FBXL13: variants seen among roughly 807,000 people sequenced by gnomAD.
The protein encoded by FBXL13 is F-box and leucine rich repeat protein 13.
In FBXL13, 67 loss-of-function variants were observed where a neutral mutation model predicts 83.6. That is an observed-to-expected ratio of 0.80 (90% CI 0.66 to 0.98). The LOEUF (loss-of-function observed/expected upper bound fraction) is 0.98. FBXL13 is among the 50% of genes least tolerant of loss of function. The pLI is 0.00. For synonymous variants in FBXL13, 272 were observed against 299.5 expected, an observed-to-expected ratio of 0.91 and a Z score of 0.95; for missense variants, 822 against 866.5, an observed-to-expected ratio of 0.95 and a Z score of 0.64.
chr7:102,876,143 C>T lies in FBXL13; in HGVS notation c.1635+1324G>A, dbSNP rs918641517. Among the ~76,000 whole-genome samples, 4 of 152,292 alleles carry T rather than the reference C, an allele frequency of 2.6e-5. No homozygotes were observed. The East Asian group carries it at 7.7e-4, about 29-fold the overall frequency. On this transcript the variant is annotated intron_variant, in intron 16 of 19. Coordinates refer to ENST00000313221, the Ensembl canonical transcript of FBXL13. ...TAGGACTGTGGACCTAAGACAGCCT[C>T]ACAGGATCTCCATGACCCAGGAAGA...
chr7:102,954,193 A>AGACT (rs1246297649), intron 8 of FBXL13, among the ~76,000 whole-genome samples: 1 of 152,246 alleles, frequency 6.6e-6, no homozygotes, highest in African/African-American at 2.4e-5. Context: ...AAGCCATGAC[A>AGACT]GACTACCTGG....
chr7:102,996,358 G>C (rs1412490892), intron 6 of FBXL13, among the ~76,000 whole-genome samples: 2 of 152,178 alleles, frequency 1.3e-5, no homozygotes, highest in East Asian at 3.9e-4. Flanking sequence ...AAGAGCATTA[G>C]ACCAGAGTTC....
At chr7:103,037,503 T>G (rs1411264988) in intron 2 of FBXL13, among the ~76,000 whole-genome samples, 1 of 152,190 alleles carries the variant, frequency 6.6e-6, no homozygotes, top group Non-Finnish European at 1.5e-5. Context: ...TAAAATATTT[T>G]GTATTTTATT....
At chr7:102,874,346 A>G (rs919081157) in intron 16 of FBXL13, 25 of 985,266 alleles carry the variant, frequency 2.5e-5, no homozygotes, top group African/African-American at 3.5e-5. Flanking sequence ...CTGTTGTAGC[A>G]CTGTAATTGT....
At chr7:102,983,421 CCTTTT>C (rs1828516658) in intron 6 of FBXL13, among the ~76,000 whole-genome samples, 1 of 145,442 alleles carries the variant, frequency 6.9e-6, no homozygotes, top group Admixed American at 6.9e-5. Flanking sequence ...TCTTTTTTCC[CCTTTT>C]TTTTTTTTTT....
chr7:102,957,702 A>C (rs1479785564), intron 8 of FBXL13, among the ~76,000 whole-genome samples: 1 of 152,132 alleles, frequency 6.6e-6, no homozygotes, highest in Non-Finnish European at 1.5e-5. Context: ...AAAAACAAAC[A>C]AACCCATCAA....
chr7:102,842,947 A>G (rs886113399), intron 17 of FBXL13, among the ~76,000 whole-genome samples: 6 of 152,216 alleles, frequency 3.9e-5, no homozygotes, highest in African/African-American at 1.4e-4. Context: ...TGTTCTCCCA[A>G]CTATGAAGTA....
At chr7:102,869,433 T>C (rs1178705668) in intron 16 of FBXL13, among the ~76,000 whole-genome samples, 1 of 152,236 alleles carries the variant, frequency 6.6e-6, no homozygotes, top group East Asian at 1.9e-4. Flanking sequence ...AGGTGGTCTC[T>C]TCACTCTGCT....
intron 8 of FBXL13, among the ~76,000 whole-genome samples, chr7:102,953,515 T>A (rs1390016091): frequency 6.6e-6 from 1 of 152,118 alleles, no homozygotes; most frequent in African/African-American, 2.4e-5. Flanking sequence ...GCTTCCTCAA[T>A]GAGCAATTGT....
chr7:102,994,018 C>T (rs1242523142), intron 6 of FBXL13, among the ~76,000 whole-genome samples: 1 of 152,186 alleles, frequency 6.6e-6, no homozygotes, highest in Non-Finnish European at 1.5e-5. Context: ...ACCTTTCCTT[C>T]TCAAGTCCCT....
intron 18 of FBXL13, among the ~76,000 whole-genome samples, chr7:102,829,907 G>T (rs944979638): frequency 3.3e-5 from 5 of 152,126 alleles, no homozygotes; most frequent in Non-Finnish European, 7.4e-5. Flanking sequence ...GTGAGTTGAG[G>T]AGTATTCAGA....
chr7:103,031,497 A>ACC (rs1365692503), intron 2 of FBXL13: 14 of 152,236 alleles, frequency 9.2e-5, no homozygotes, highest in African/African-American at 3.4e-4. Context: ...GGATTCTGGT[A>ACC]ACAACTTTGT....
chr7:102,932,721 T>C (rs1819458494), intron 8 of FBXL13, among the ~76,000 whole-genome samples: 2 of 152,064 alleles, frequency 1.3e-5, no homozygotes, highest in South Asian at 4.1e-4. Flanking sequence ...CAGCAACCCC[T>C]ACTGTCATTC....
At chr7:103,008,347 A>C (rs1791205509) in intron 6 of FBXL13, among the ~76,000 whole-genome samples, 1 of 152,180 alleles carries the variant, frequency 6.6e-6, no homozygotes, top group Admixed American at 6.5e-5. Context: ...TTTTGGGACA[A>C]CTGAAGACAC....
chr7:102,983,299 C>T (rs1022991084), intron 6 of FBXL13, among the ~76,000 whole-genome samples: 1 of 152,102 alleles, frequency 6.6e-6, no homozygotes, highest in African/African-American at 2.4e-5. Context: ...AGTAGGATTG[C>T]CTCTTCCACT....
At chr7:103,061,021 G>A (rs1434980958) in intron 1 of FBXL13, among the ~76,000 whole-genome samples, 4 of 152,106 alleles carry the variant, frequency 2.6e-5, no homozygotes, top group African/African-American at 4.8e-5. Context: ...GGGCTTTTAT[G>A]TCTTTTTAAC....
At chr7:103,022,658 T>C (rs1040264046) in intron 6 of FBXL13, among the ~76,000 whole-genome samples, 3 of 152,064 alleles carry the variant, frequency 2.0e-5, no homozygotes, top group Non-Finnish European at 2.9e-5. Context: ...CCTTACACCA[T>C]ATACAAAAAT....
At chr7:102,976,215 A>T in intron 6 of FBXL13, 1 of 752,086 alleles carries the variant, frequency 1.3e-6, no homozygotes, top group Non-Finnish European at 2.5e-6. Flanking sequence ...GCCAAGGGTA[A>T]CCCTGATGGT....
At chr7:102,834,395 T>A (rs200691616) in intron 17 of FBXL13, among the ~76,000 whole-genome samples, 4,410 of 146,452 alleles carry the variant, frequency 0.03, 176 homozygotes, top group East Asian at 0.15. Context: ...TATATATATA[T>A]TATATGCGAT....
Sources: allele counts gnomAD v4.1 joint callset (sites outside exome capture counted in the v4.1 genomes callset), GRCh38; gene constraint gnomAD v4.1.1; transcripts MANE v1.5; gene names NCBI Gene and HGNC (gene_info 2026-07-23, HGNC 2026-07-21).